DNM3: variants seen among roughly 807,000 people sequenced by gnomAD.
DNM3 encodes dynamin-3.
DNM3 carries 47 observed loss-of-function variants against 101.6 expected under a neutral mutation model. That is an observed-to-expected ratio of 0.46 (90% CI 0.37 to 0.59). The LOEUF is 0.59. Ranked by LOEUF, DNM3 falls within the 20% of genes least tolerant of loss-of-function variation. The pLI is 0.00. For missense variants in DNM3, 849 were observed against 1,085.7 expected (o/e 0.78, Z 3.06); for synonymous variants, 385 against 387.9 (o/e 0.99, Z 0.09).
chr1:172,033,839 A>G (rs10797720), intron 6 of DNM3, among the ~76,000 whole-genome samples: 56,759 of 151,936 alleles, frequency 0.37, 11,158 homozygotes, highest in East Asian at 0.69. Context: ...TGCACTATGC[A>G]CACACTTCTT....
At chr1:171,907,380 A>G (rs1280859561) in intron 1 of DNM3, among the ~76,000 whole-genome samples, 2 of 152,072 alleles carry the variant, frequency 1.3e-5, no homozygotes, top group Non-Finnish European at 2.9e-5. Flanking sequence ...AATCCCAGCT[A>G]CTGGGGAGGC....
At chr1:171,875,182 C>T (rs1162184540) in intron 1 of DNM3, among the ~76,000 whole-genome samples, 1 of 152,158 alleles carries the variant, frequency 6.6e-6, no homozygotes, top group Non-Finnish European at 1.5e-5. Context: ...TGGGTATATG[C>T]CCAGTAATGG....
intron 2 of DNM3, among the ~76,000 whole-genome samples, chr1:171,974,024 G>C (rs1051913946): frequency 1.3e-5 from 2 of 151,980 alleles, no homozygotes. Flanking sequence ...TTTTACTTCA[G>C]AATACTGTAG....
chr1:172,042,382 G>A (rs768455365), intron 8 of DNM3, among the ~76,000 whole-genome samples: 1 of 152,096 alleles, frequency 6.6e-6, no homozygotes, highest in African/African-American at 2.4e-5. Context: ...CTAGTTTGTT[G>A]TCTAATTAAT....
At chr1:171,866,618 T>A (rs2034774835) in intron 1 of DNM3, among the ~76,000 whole-genome samples, 1 of 152,232 alleles carries the variant, frequency 6.6e-6, no homozygotes, top group African/African-American at 2.4e-5. Context: ...GTTGACATAT[T>A]GCTTCCTCTA....
intron 17 of DNM3, among the ~76,000 whole-genome samples, chr1:172,353,909 T>C (rs902775778): frequency 8.6e-5 from 13 of 151,912 alleles, no homozygotes; most frequent in African/African-American, 3.1e-4. Flanking sequence ...AAGTCTACAG[T>C]ATATGGAGCC....
At chr1:172,209,407 G>A (rs965163882) in intron 14 of DNM3, among the ~76,000 whole-genome samples, 4 of 151,962 alleles carry the variant, frequency 2.6e-5, no homozygotes, top group African/African-American at 9.7e-5. Flanking sequence ...AAATAATACA[G>A]GCACCAAGGG....
chr1:172,310,104 T>C (rs1483157366), intron 16 of DNM3: 2 of 152,240 alleles, frequency 1.3e-5, no homozygotes, highest in East Asian at 3.8e-4. Context: ...TCTCCTGTTA[T>C]ATGCGTAGAT....
At chr1:172,045,008 T>TGAGGCTA (rs3051637) in intron 9 of DNM3, among the ~76,000 whole-genome samples, 3 of 151,854 alleles carry the variant, frequency 2.0e-5, no homozygotes, top group Non-Finnish European at 4.4e-5. Context: ...TGGAGGTTGT[T>TGAGGCTA]GAGGATAAAA....
intron 15 of DNM3, among the ~76,000 whole-genome samples, chr1:172,294,911 C>CAAAAAAAAAA: frequency 1.1e-5 from 1 of 87,006 alleles, no homozygotes; most frequent in Non-Finnish European, 2.3e-5. Flanking sequence ...GACTTTGTCT[C>CAAAAAAAAAA]AAAAAAAAAA....
chr1:172,078,431 G>A (rs926497980), intron 11 of DNM3, among the ~76,000 whole-genome samples: 1 of 151,930 alleles, frequency 6.6e-6, no homozygotes, highest in Non-Finnish European at 1.5e-5. Context: ...TCAGCAACTA[G>A]GATTGCAACC....
intron 1 of DNM3, among the ~76,000 whole-genome samples, chr1:171,869,895 G>C (rs1163774916): frequency 6.6e-6 from 1 of 152,152 alleles, no homozygotes. Context: ...TTTAGATTAG[G>C]GAAGTTCTGA....
At chr1:172,018,119 A>G (rs1043857043) in intron 4 of DNM3, among the ~76,000 whole-genome samples, 1 of 152,112 alleles carries the variant, frequency 6.6e-6, no homozygotes, top group Admixed American at 6.5e-5. Context: ...TGTAGATAAT[A>G]TATAGTTGTA....
chr1:171,932,278 A>G (rs1352785798), intron 2 of DNM3, among the ~76,000 whole-genome samples: 1 of 151,490 alleles, frequency 6.6e-6, no homozygotes, highest in African/African-American at 2.4e-5. Flanking sequence ...AATAGCTAGG[A>G]CTACGGGCAT....
intron 4 of DNM3, among the ~76,000 whole-genome samples, chr1:171,994,498 C>G (rs2045862042): frequency 6.8e-6 from 1 of 147,786 alleles, no homozygotes; most frequent in Non-Finnish European, 1.5e-5. Flanking sequence ...TACAACTCTG[C>G]CTTAATCCTA....
chr1:172,018,499 T>C (rs1482615827), intron 4 of DNM3, among the ~76,000 whole-genome samples: 2 of 152,206 alleles, frequency 1.3e-5, no homozygotes, highest in Non-Finnish European at 2.9e-5. Flanking sequence ...TTTGACTTTA[T>C]GATGGTGAGA....
intron 14 of DNM3, among the ~76,000 whole-genome samples, chr1:172,227,936 T>C (rs2061195509): frequency 6.6e-6 from 1 of 152,120 alleles, no homozygotes; most frequent in Admixed American, 6.6e-5. Context: ...ATTACTGAAG[T>C]TTAGTAACAT....
intron 13 of DNM3, among the ~76,000 whole-genome samples, chr1:172,104,859 G>A (rs2054898113): frequency 1.3e-5 from 2 of 152,200 alleles, no homozygotes; most frequent in Non-Finnish European, 2.9e-5. Flanking sequence ...CTAACTTACA[G>A]AGCAGAGTAT....
intron 15 of DNM3, among the ~76,000 whole-genome samples, chr1:172,275,576 A>G: frequency 6.6e-6 from 1 of 151,860 alleles, no homozygotes; most frequent in Non-Finnish European, 1.5e-5. Context: ...GCCTCTCCCC[A>G]CCAGAGATGA....
Sources: allele counts gnomAD v4.1 joint callset (sites outside exome capture counted in the v4.1 genomes callset), GRCh38; gene constraint gnomAD v4.1.1; transcripts MANE v1.5; gene names NCBI Gene and HGNC (gene_info 2026-07-23, HGNC 2026-07-21).